The following GRB10 variants were observed in gnomAD, a reference collection of about 807,000 sequenced individuals.
GRB10 encodes growth factor receptor-bound protein 10.
A neutral mutation model predicts 80.9 loss-of-function variants in GRB10; 20 were observed. That is an observed-to-expected ratio of 0.25 (90% CI 0.17 to 0.36). The LOEUF (loss-of-function observed/expected upper bound fraction) is 0.36, where lower values mean the gene tolerates loss of function less well. GRB10 is among the 10% of genes least tolerant of loss of function. The pLI is 1.00. For synonymous variants in GRB10, 291 were observed against 291.5 expected, an observed-to-expected ratio of 1.00 and a Z score of 0.02; for missense variants, 548 against 747.7, an observed-to-expected ratio of 0.73 and a Z score of 3.12.
At chr7:50,614,432 T>TG (rs1468046534) in intron 12 of GRB10, among the ~76,000 whole-genome samples, 1 of 152,164 alleles carries the variant, frequency 6.6e-6, no homozygotes, top group Non-Finnish European at 1.5e-5. Flanking sequence ...GGTGACAGGC[T>TG]GGGGGTCCCC....
At chr7:50,715,559 A>G (rs1464857558) in intron 4 of GRB10, among the ~76,000 whole-genome samples, 1 of 152,194 alleles carries the variant, frequency 6.6e-6, no homozygotes, top group Non-Finnish European at 1.5e-5. Context: ...AAATGTTTAC[A>G]AACTGCCAGT....
intron 5 of GRB10, among the ~76,000 whole-genome samples, chr7:50,680,668 A>C (rs1422663438): frequency 6.6e-6 from 1 of 152,250 alleles, no homozygotes; most frequent in Non-Finnish European, 1.5e-5. Flanking sequence ...GGACAAAAAT[A>C]AACATATATC....
Position 50,626,964 on chromosome 7 carries a change from A to G in GRB10, c.519T>C (p.Phe173=). The G allele has an allele frequency of 1.9e-6, 3 of 1,614,186 alleles. No homozygotes were observed. The highest frequency in any genetic ancestry group is 8.5e-7 in the Non-Finnish European group (1 of 1,180,022). The change falls in exon 8 of 19, where the codon TTT becomes TTC. Residue 173 remains phenylalanine (F), a synonymous_variant. Coordinates refer to ENST00000401949, the MANE Select transcript of GRB10 (RefSeq NM_001350814.2). Reference sequence around the variant, plus strand: ...CCACTTTGCTTGTCCCATCTTCACTAAAGACTTTAACATCCTGCAACACAC... The same window carrying G: ...CCACTTTGCTTGTCCCATCTTCACTGAAGACTTTAACATCCTGCAACACAC... The part of the protein sequence containing the change: ...QAAAKQDVKV[F]SEDGTSKVVE...
intron 7 of GRB10, among the ~76,000 whole-genome samples, chr7:50,631,048 G>GT (rs541204349): frequency 2.1e-3 from 327 of 152,290 alleles, no homozygotes; most frequent in Non-Finnish European, 4.0e-3. Context: ...GGGGCACCTG[G>GT]TTTTTTGTCT....
intron 4 of GRB10, chr7:50,729,367 C>T (rs2069222783): frequency 6.6e-6 from 1 of 152,188 alleles, no homozygotes; most frequent in Non-Finnish European, 1.5e-5. Flanking sequence ...AAGTTTGTAG[C>T]CAAGCACATT....
At chr7:50,620,635 T>G (rs554720974) in intron 8 of GRB10, among the ~76,000 whole-genome samples, 4 of 152,180 alleles carry the variant, frequency 2.6e-5, no homozygotes, top group African/African-American at 9.6e-5. Context: ...AAGCTCAGAC[T>G]TGGCACCACC....
intron 1 of GRB10, among the ~76,000 whole-genome samples, chr7:50,790,303 A>G (rs2078856888): frequency 6.6e-6 from 1 of 152,240 alleles, no homozygotes; most frequent in South Asian, 2.1e-4. Flanking sequence ...CTCACCCACC[A>G]AGTAGTTGGA....
intron 2 of GRB10, among the ~76,000 whole-genome samples, chr7:50,778,816 A>G (rs939750770): frequency 6.6e-6 from 1 of 152,234 alleles, no homozygotes; most frequent in Non-Finnish European, 1.5e-5. Context: ...GGGTGTTAGC[A>G]TGCACAAGCT....
chr7:50,649,193 C>A (rs79457158), intron 7 of GRB10, among the ~76,000 whole-genome samples: 4 of 152,220 alleles, frequency 2.6e-5, no homozygotes, highest in East Asian at 1.9e-4. Flanking sequence ...GGGGGACTGA[C>A]GTTCTAGTGG....
chr7:50,683,266 T>C (rs944606302), intron 5 of GRB10, among the ~76,000 whole-genome samples: 6 of 152,190 alleles, frequency 3.9e-5, no homozygotes, highest in African/African-American at 1.2e-4. Context: ...AGTAGTCAAA[T>C]TCCTAGAGAT....
upstream of GRB10, among the ~76,000 whole-genome samples, chr7:50,783,233 AC>A (rs1269510058): frequency 6.6e-6 from 1 of 151,970 alleles, no homozygotes; most frequent in Admixed American, 6.6e-5. Flanking sequence ...CTCTCGTCTC[AC>A]CCTTCTCCCC....
chr7:50,601,262 G>A (rs927522297), intron 17 of GRB10, among the ~76,000 whole-genome samples: 5 of 152,302 alleles, frequency 3.3e-5, no homozygotes, highest in Non-Finnish European at 7.4e-5. Context: ...GGGTTGGGAG[G>A]CAGAGTTGAG....
At chr7:50,680,027 T>C (rs1023902024) in intron 5 of GRB10, among the ~76,000 whole-genome samples, 36 of 152,344 alleles carry the variant, frequency 2.4e-4, no homozygotes, top group Admixed American at 2.3e-3. Flanking sequence ...CATAAGTAAG[T>C]AGAATAAGAA....
chr7:50,688,516 C>A (rs78758483), intron 5 of GRB10, among the ~76,000 whole-genome samples: 2,941 of 152,152 alleles, frequency 0.019, 107 homozygotes, highest in African/African-American at 0.067. Context: ...CTAGGGGCAG[C>A]CCATAGACAA....
intron 5 of GRB10, among the ~76,000 whole-genome samples, chr7:50,677,817 G>A (rs570874557): frequency 1.2e-4 from 19 of 152,298 alleles, no homozygotes; most frequent in African/African-American, 4.6e-4. Flanking sequence ...GATGCAGGTT[G>A]GTCTCAATGC....
At chr7:50,598,839 C>A (rs889641210) in intron 17 of GRB10, among the ~76,000 whole-genome samples, 2 of 152,154 alleles carry the variant, frequency 1.3e-5, no homozygotes, top group Non-Finnish European at 2.9e-5. Context: ...TTCCTTCCAA[C>A]ATGTGGAGGG....
At chr7:50,671,166 G>A (rs73697050) in intron 6 of GRB10, among the ~76,000 whole-genome samples, 3,427 of 152,226 alleles carry the variant, frequency 0.023, 131 homozygotes, top group African/African-American at 0.078. Context: ...GAGGCCACGC[G>A]GCCCTGTCTG....
intron 8 of GRB10, among the ~76,000 whole-genome samples, chr7:50,625,760 A>G (rs943148995): frequency 4.6e-5 from 7 of 152,260 alleles, no homozygotes; most frequent in African/African-American, 1.7e-4. Context: ...CCGTCTCTCC[A>G]AAGTACAGGG....
At chr7:50,698,019 G>T (rs568988970) in intron 5 of GRB10, among the ~76,000 whole-genome samples, 2 of 128,894 alleles carry the variant, frequency 1.6e-5, no homozygotes, top group South Asian at 2.7e-4. Flanking sequence ...AGGCTTCCTT[G>T]ATTTCCAGCT....
Sources: allele counts gnomAD v4.1 joint callset (sites outside exome capture counted in the v4.1 genomes callset), GRCh38; gene constraint gnomAD v4.1.1; transcripts MANE v1.5; gene names NCBI Gene and HGNC (gene_info 2026-07-23, HGNC 2026-07-21).